Variants in PCDHGB5 observed in about 807,000 individuals in gnomAD.
PCDHGB5 encodes protocadherin gamma-B5.
A neutral mutation model predicts 62.9 loss-of-function variants in PCDHGB5; 48 were observed. That is an observed-to-expected ratio of 0.76 (90% CI 0.61 to 0.97). The LOEUF (loss-of-function observed/expected upper bound fraction) is 0.97, where lower values mean the gene tolerates loss of function less well. Among genes scored for constraint, PCDHGB5 ranks in the 50% least tolerant of loss-of-function variants. The probability of loss-of-function intolerance (pLI) is 0.00; values close to 1 mark genes in which losing one functional copy is unlikely to be tolerated. For synonymous variants in PCDHGB5, 474 were observed against 511.2 expected, an observed-to-expected ratio of 0.93 and a Z score of 0.98; for missense variants, 1,118 against 1,198.6, an observed-to-expected ratio of 0.93 and a Z score of 0.99.
In PCDHGB5 at chr5:141,490,363, C is replaced by T. The variant is rs779932482; in HGVS notation, c.2398-4444C>T. 10 of 1,614,036 alleles carry T rather than the reference C, an allele frequency of 6.2e-6. No individual in the cohort carries two copies. The highest frequency in any genetic ancestry group is 1.3e-5 in the African/African-American group (1 of 74,904). The stretch of plus-strand genomic sequence containing the variant: ...CACAGTAGTGGGGTTGTTTAATGTG[C>T]GAGACCGGGACTCAGGTAGAAATGG... On this transcript the variant is annotated intron_variant, in intron 1 of 3. Coordinates refer to ENST00000617380, the MANE Select transcript of PCDHGB5 (RefSeq NM_018925.3). The surrounding 1 kb of genome is among the most constrained non-coding windows in gnomAD (Gnocchi z 5.4).
At chr5:141,500,241 C>T (rs1284996879) in intron 2 of PCDHGB5, among the ~76,000 whole-genome samples, 18 of 150,770 alleles carry the variant, frequency 1.2e-4, no homozygotes, top group Non-Finnish European at 1.5e-5. Flanking sequence ...CGTAGCCTTG[C>T]TCTGTCACCC....
chr5:141,503,924 G>C (rs1282755998), intron 2 of PCDHGB5, among the ~76,000 whole-genome samples: 1 of 152,146 alleles, frequency 6.6e-6, no homozygotes, highest in Non-Finnish European at 1.5e-5. Flanking sequence ...CACACACACA[G>C]ACATTTTCAT....
intron 1 of PCDHGB5, chr5:141,423,750 TGGGGGG>T: frequency 3.5e-6 from 1 of 287,482 alleles, no homozygotes; most frequent in Non-Finnish European, 4.5e-6. Flanking sequence ...GAAAACTGTT[TGGGGGG>T]GGGGTGGGGC....
chr5:141,454,587 G>A (rs1000852095), intron 1 of PCDHGB5, among the ~76,000 whole-genome samples: 22 of 150,902 alleles, frequency 1.5e-4, no homozygotes, highest in African/African-American at 5.4e-4. Context: ...TGTATTTTTA[G>A]TAGAGACAGG....
Position 141,399,734 on chromosome 5 carries a change from C to T in PCDHGB5, c.1607C>T (p.Pro536Leu). 6.2e-7 allele frequency: 1 copy of T among 1,613,338 alleles called. No individual in the cohort carries two copies. Among genetic ancestry groups the T allele is most frequent in the Non-Finnish European group, 8.5e-7 (1 of 1,179,878 alleles). ...CTACAGGCCCGCGACCAGGGCTCGCCTGCGCTCAGCGCAAACGTGAGCCTG... is the reference window on the plus strand; with the variant it reads ...CTACAGGCCCGCGACCAGGGCTCGCTTGCGCTCAGCGCAAACGTGAGCCTG... ...LTLQARDQGS[P>L]ALSANVSLRV... Residue 536 changes from proline (P) to leucine (L), a missense_variant, in exon 1 of 4, where the codon CCT becomes CTT. Physicochemically the swap from Pro to Leu is moderately conservative, Grantham distance 98 (BLOSUM62 -3). Coordinates refer to ENST00000617380, the MANE Select transcript of PCDHGB5 (RefSeq NM_018925.3).
At chr5:141,440,221 C>A (rs557068282) in intron 1 of PCDHGB5, 2 of 152,450 alleles carry the variant, frequency 1.3e-5, no homozygotes, top group Admixed American at 6.5e-5. Context: ...GTAATCCCAG[C>A]ACTTTGGGAG....
chr5:141,419,792 G>A (rs1379811891), intron 1 of PCDHGB5: 1 of 1,614,042 alleles, frequency 6.2e-7, no homozygotes, highest in African/African-American at 1.3e-5. Flanking sequence ...CCTGCTAGTC[G>A]CTGTAAGAGA....
Position 141,399,986 on chromosome 5 carries a change from G to A in PCDHGB5, c.1859G>A (p.Gly620Glu), listed in dbSNP as rs1400468651. 6.2e-7 allele frequency: 1 copy of A among 1,612,408 alleles called. No individual in the cohort carries two copies. The highest frequency in any genetic ancestry group is 2.2e-5 in the East Asian group (1 of 44,864). Residue 620 changes from glycine (G) to glutamate (E), a missense_variant, in exon 1 of 4, where the codon GGA becomes GAA. By Grantham distance (98) the Gly-to-Glu change is moderately conservative. Coordinates refer to ENST00000617380, the MANE Select transcript of PCDHGB5 (RefSeq NM_018925.3). ...CTCTTCAGCCTGGGGCTGCGCACAGGAGAGGTGCGCACAGCGCGTGCCTTG... is the reference window on the plus strand; with the variant it reads ...CTCTTCAGCCTGGGGCTGCGCACAGAAGAGGTGCGCACAGCGCGTGCCTTG... Reference protein sequence around the residue: ...PGLFSLGLRTGEVRTARALGD... With the variant: ...PGLFSLGLRTEEVRTARALGD...
rs2097372368 is a variant in PCDHGB5 at position 141,431,422 on chromosome 5, G to A, written c.2397+30898G>A. On this transcript the variant is annotated intron_variant, in intron 1 of 3. Coordinates refer to ENST00000617380, the MANE Select transcript of PCDHGB5 (RefSeq NM_018925.3). This position sits in a 1 kb window ranked among gnomAD's most constrained non-coding sequence, Gnocchi z 4.8. ...CGGCCTCCGACGGGGGCGACCCGGTGCGCACAGGCACCGCGCGCATCCGCG... is the reference window on the plus strand; with the variant it reads ...CGGCCTCCGACGGGGGCGACCCGGTACGCACAGGCACCGCGCGCATCCGCG... 6.2e-7 allele frequency: 1 copy of A among 1,613,710 alleles called. No individual in the cohort carries two copies. The highest frequency in any genetic ancestry group is 2.2e-5 in the East Asian group (1 of 44,882).
rs112731052 is a variant in PCDHGB5 at position 141,457,109 on chromosome 5, A to G, written c.2398-37698A>G. ...TATAAGGATACTAATTAAGCAAAAT[A>G]CGACAGCAATGGAAACTCTGTCCAA... is the stretch of plus-strand genomic sequence containing the variant. On this transcript the variant is annotated intron_variant, in intron 1 of 3. Coordinates refer to ENST00000617380, the MANE Select transcript of PCDHGB5 (RefSeq NM_018925.3). 8.3e-3 allele frequency among the ~76,000 whole-genome samples: 1,258 copies of G among 152,360 alleles called. 17 individuals are homozygous for G. Among genetic ancestry groups the G allele is most frequent in the African/African-American group, 0.029 (1,195 of 41,578 alleles).
chr5:141,401,537 A>G (rs188857820), intron 1 of PCDHGB5, among the ~76,000 whole-genome samples: 56 of 152,362 alleles, frequency 3.7e-4, no homozygotes, highest in Non-Finnish European at 7.5e-4. Context: ...AACTTACAAA[A>G]AAAAGGAAAT....
chr5:141,494,785 T>G, intron 1 of PCDHGB5, 22 bp from the exon 2 acceptor site: 1 of 1,614,016 alleles, frequency 6.2e-7, no homozygotes, highest in Non-Finnish European at 8.5e-7. Flanking sequence ...ACTCAGCCCC[T>G]TTCCCTCTGT....
rs1255551589 is a variant in PCDHGB5 at position 141,410,375 on chromosome 5, G to A, written c.2397+9851G>A. ...ACGCTCTCTCAGCCCTGCTACTTGG[G>A]ACTGCTTCCATCCTGGTCTCTGTGT... On this transcript the variant is annotated intron_variant, in intron 1 of 3. Coordinates refer to ENST00000617380, the MANE Select transcript of PCDHGB5 (RefSeq NM_018925.3). The A allele has an allele frequency of 6.2e-7, 1 of 1,614,028 alleles. No individual in the cohort carries two copies. Among genetic ancestry groups the A allele is most frequent in the Admixed American group, 1.7e-5 (1 of 60,022 alleles).
chr5:141,454,880 T>C (rs1561957456), intron 1 of PCDHGB5, among the ~76,000 whole-genome samples: 1 of 137,862 alleles, frequency 7.3e-6, no homozygotes, highest in Non-Finnish European at 1.5e-5. Flanking sequence ...CGATCTTGGC[T>C]CACTGCTAGC....
In PCDHGB5 at chr5:141,477,532, C is replaced by T. The variant is rs754570150; in HGVS notation, c.2398-17275C>T. On this transcript the variant is annotated intron_variant, in intron 1 of 3. Transcript: ENST00000617380. This position sits in a 1 kb window ranked among gnomAD's most constrained non-coding sequence, Gnocchi z 4.9. ...TTTACATTGAAGAAAACAACCTCCC[C>T]GGGGCTCCAATACTAAACCTAAGTG... 2.5e-6 allele frequency: 4 copies of T among 1,614,028 alleles called. No individual in the cohort carries two copies. Among genetic ancestry groups the T allele is most frequent in the Admixed American group, 1.7e-5 (1 of 60,000 alleles).
Position 141,400,219 on chromosome 5 carries a change from C to T in PCDHGB5, c.2092C>T (p.Leu698Phe), listed in dbSNP as rs1200450595. The change falls in exon 1 of 4, where the codon CTC (leucine) becomes TTC (phenylalanine). Residue 698 changes from leucine to phenylalanine, a missense_variant. This residue lies in a region of PCDHGB5 where 1,034 missense variants were observed against 1,029.1 expected (regional missense o/e 1.00). Coordinates refer to ENST00000617380, the MANE Select transcript of PCDHGB5 (RefSeq NM_018925.3). ...LVVALALISV[L>F]FLLAVILAVA... ...GGTGGCCTTGGCCTTGATCTCAGTG[C>T]TCTTCCTCCTGGCCGTGATTCTGGC... The T allele has an allele frequency of 1.9e-6, 3 of 1,613,934 alleles. No homozygotes were observed. Among genetic ancestry groups the T allele is most frequent in the African/African-American group, 1.3e-5 (1 of 74,930 alleles).
rs2093714845 is a variant in PCDHGB5, at chr5:141,398,850, A to T, written c.723A>T (p.Val241=). ...CCGACGCCAATGATAATCCCCCGGTATTCAACCGAGACGTGTACAGAGTCA... is the reference window on the plus strand; with the variant it reads ...CCGACGCCAATGATAATCCCCCGGTTTTCAACCGAGACGTGTACAGAGTCA... ...QVTDANDNPP[V]FNRDVYRVSL... The change falls in exon 1 of 4, where the codon GTA becomes GTT. Residue 241 remains valine, a synonymous_variant. Transcript: ENST00000617380. 1 of 1,613,864 alleles carries T rather than the reference A, an allele frequency of 6.2e-7. No individual in the cohort carries two copies. The highest frequency in any genetic ancestry group is 2.2e-5 in the East Asian group (1 of 44,880).
At position 141,489,378 on chromosome 5, in the gene PCDHGB5, G is replaced by A. The variant is rs1562129701; in HGVS notation, c.2398-5429G>A. ...AGTCTGAGCCGGGGACGCTGGTGGGGAATGTTGCTCAGGATCTGGGCTTAA... is the reference window on the plus strand; with the variant it reads ...AGTCTGAGCCGGGGACGCTGGTGGGAAATGTTGCTCAGGATCTGGGCTTAA... On this transcript the variant is annotated intron_variant, in intron 1 of 3. Coordinates refer to ENST00000617380, the MANE Select transcript of PCDHGB5 (RefSeq NM_018925.3). The surrounding 1 kb of genome is among the most constrained non-coding windows in gnomAD (Gnocchi z 4.5). 1.2e-6 allele frequency: 2 copies of A among 1,613,908 alleles called. No homozygotes were observed. The highest frequency in any genetic ancestry group is 3.3e-5 in the Admixed American group (2 of 60,026).
At chr5:141,434,199 T>G (rs1406339464) in intron 1 of PCDHGB5, among the ~76,000 whole-genome samples, 1 of 151,914 alleles carries the variant, frequency 6.6e-6, no homozygotes, top group Non-Finnish European at 1.5e-5. Context: ...CCAATGTACT[T>G]ACTTCTGTCA....
Sources: gnomAD v4.1 joint callset for allele counts (sites outside exome capture counted in the v4.1 genomes callset) on GRCh38, gnomAD v4.1.1 for gene constraint, gnomAD v4.1.1 regional missense constraint, Gnocchi (gnomAD v3.1) non-coding constraint, MANE v1.5 for transcripts, NCBI Gene and HGNC (gene_info 2026-07-23, HGNC 2026-07-21) for gene names.